The following SPAG16 variants were observed in gnomAD, a reference collection of about 807,000 sequenced individuals.
The protein encoded by SPAG16 is sperm-associated antigen 16 protein.
Under a neutral mutation model 80.4 loss-of-function variants are expected in SPAG16, and 86 were observed. That is an observed-to-expected ratio of 1.07 (90% confidence interval 0.90 to 1.28). The LOEUF is 1.28. Among genes scored for constraint, SPAG16 ranks in the 50% most tolerant of loss-of-function variants. The pLI, the probability that SPAG16 is intolerant of heterozygous loss-of-function variation, is 0.00. For missense variants in SPAG16, 870 were observed against 765.3 expected (o/e 1.14, Z -1.61); for synonymous variants, 294 against 265.9 (o/e 1.11, Z -1.03).
intron 15 of SPAG16, among the ~76,000 whole-genome samples, chr2:214,167,018 G>A (rs2056683088): frequency 6.6e-6 from 1 of 152,144 alleles, no homozygotes; most frequent in Admixed American, 6.6e-5. Context: ...GAGAGGAGGA[G>A]AAGGGCAGAT....
intron 10 of SPAG16, among the ~76,000 whole-genome samples, chr2:213,849,264 G>C (rs1357115734): frequency 6.6e-6 from 1 of 152,040 alleles, no homozygotes; most frequent in African/African-American, 2.4e-5. Context: ...AATAGAGTTA[G>C]AACTAACACA....
At chr2:213,972,129 G>T (rs2045098412) in intron 12 of SPAG16, among the ~76,000 whole-genome samples, 1 of 151,506 alleles carries the variant, frequency 6.6e-6, no homozygotes. Flanking sequence ...TTGTGATTTT[G>T]AATTGCATTT....
intron 13 of SPAG16, among the ~76,000 whole-genome samples, chr2:214,094,665 T>C (rs2052459706): frequency 6.6e-6 from 1 of 152,122 alleles, no homozygotes; most frequent in Non-Finnish European, 1.5e-5. Flanking sequence ...TTACACAATT[T>C]GTATGGCTGA....
intron 14 of SPAG16, among the ~76,000 whole-genome samples, chr2:214,137,835 A>G (rs562186107): frequency 1.3e-5 from 2 of 152,266 alleles, no homozygotes; most frequent in South Asian, 2.1e-4. Flanking sequence ...TTAGTTGTCA[A>G]TTACTACATC....
At chr2:213,691,284 G>A (rs1470269315) in intron 10 of SPAG16, among the ~76,000 whole-genome samples, 1 of 152,134 alleles carries the variant, frequency 6.6e-6, no homozygotes, top group African/African-American at 2.4e-5. Flanking sequence ...AATGCAGCAG[G>A]TGTGACAATC....
intron 9 of SPAG16, among the ~76,000 whole-genome samples, chr2:213,384,518 C>A (rs146829760): frequency 7.2e-5 from 11 of 152,130 alleles, no homozygotes; most frequent in South Asian, 6.2e-4. Context: ...TGAGTATCAA[C>A]GCCATGCTAG....
chr2:214,410,040 A>T (rs1702211712), intron 15 of SPAG16, 100 bp from the exon 16 acceptor site: 2 of 1,337,916 alleles, frequency 1.5e-6, no homozygotes, highest in Admixed American at 1.9e-5. Flanking sequence ...ACACAGAATG[A>T]TAATTGAAAA....
chr2:214,138,462 C>T (rs2055177086), intron 14 of SPAG16, among the ~76,000 whole-genome samples: 1 of 152,074 alleles, frequency 6.6e-6, no homozygotes, highest in South Asian at 2.1e-4. Context: ...GACAATTCAG[C>T]CATTCTTTTT....
intron 7 of SPAG16, among the ~76,000 whole-genome samples, chr2:213,362,166 A>G (rs1285950840): frequency 2.6e-5 from 4 of 152,242 alleles, no homozygotes; most frequent in Non-Finnish European, 4.4e-5. Context: ...CATTATAGGA[A>G]TCCAACCTGA....
chr2:213,354,150 C>G (rs2125065069), intron 7 of SPAG16, among the ~76,000 whole-genome samples: 1 of 152,214 alleles, frequency 6.6e-6, no homozygotes, highest in South Asian at 2.1e-4. Flanking sequence ...GTTTTCTGTA[C>G]CTGTGATAGT....
At chr2:213,531,359 A>AGTGTGTGTGTGTGTGTGT (rs56011234) in intron 10 of SPAG16, among the ~76,000 whole-genome samples, 11 of 142,018 alleles carry the variant, frequency 7.7e-5, no homozygotes, top group African/African-American at 1.8e-4. Context: ...AAAAGATGTG[A>AGTGTGTGTGTGTGTGTGT]GTGTGTGTGT....
chr2:214,146,754 A>G (rs1162783211), intron 14 of SPAG16, among the ~76,000 whole-genome samples: 2 of 152,184 alleles, frequency 1.3e-5, no homozygotes, highest in Non-Finnish European at 2.9e-5. Flanking sequence ...TAATCCCAGC[A>G]CTTTGGGAGG....
intron 11 of SPAG16, among the ~76,000 whole-genome samples, chr2:213,864,570 G>A (rs2075611890): frequency 6.6e-6 from 1 of 151,908 alleles, no homozygotes; most frequent in Admixed American, 6.6e-5. Context: ...GTCCTCCTAT[G>A]CTCTTCACAC....
At chr2:213,381,847 A>G (rs1450383684) in intron 9 of SPAG16, among the ~76,000 whole-genome samples, 1 of 152,202 alleles carries the variant, frequency 6.6e-6, no homozygotes, top group Non-Finnish European at 1.5e-5. Context: ...ATAAATAGGT[A>G]TAGATGTATC....
At chr2:213,946,293 T>G (rs1205385827) in intron 12 of SPAG16, among the ~76,000 whole-genome samples, 1 of 152,132 alleles carries the variant, frequency 6.6e-6, no homozygotes, top group Non-Finnish European at 1.5e-5. Context: ...TTTTCTATTT[T>G]GAATAGAGAC....
intron 15 of SPAG16, among the ~76,000 whole-genome samples, chr2:214,401,376 C>T (rs1032170277): frequency 6.6e-6 from 1 of 151,906 alleles, no homozygotes; most frequent in Non-Finnish European, 1.5e-5. Context: ...GTATAAAAAT[C>T]ATTTCCTTAT....
At chr2:214,195,320 G>GATAGATAGATAGATAC (rs2057798360) in intron 15 of SPAG16, among the ~76,000 whole-genome samples, 1 of 151,810 alleles carries the variant, frequency 6.6e-6, no homozygotes, top group Non-Finnish European at 1.5e-5. Flanking sequence ...TAGATAGATA[G>GATAGATAGATAGATAC]ATAGATAGAT....
At position 214,108,218 on chromosome 2, in the gene SPAG16, A is replaced by G; in HGVS notation, c.1550A>G (p.Tyr517Cys). ...ARTGICEQSL[Y>C]GHMHSINDAI... ...TAGGGTATATGTGAGCAGTCACTTT[A>G]TGGTCACATGCATTCTATCAATGAT... The change falls in exon 14 of 16, where the codon TAT becomes TGT. Residue 517 changes from tyrosine to cysteine, a missense_variant. Coordinates refer to ENST00000331683, the MANE Select transcript of SPAG16 (RefSeq NM_024532.5). 1.9e-6 allele frequency: 3 copies of G among 1,601,476 alleles called. No homozygotes were observed. The highest frequency in any genetic ancestry group is 2.6e-6 in the Non-Finnish European group (3 of 1,170,718).
At chr2:213,430,727 A>G (rs764677567) in intron 9 of SPAG16, among the ~76,000 whole-genome samples, 3 of 152,192 alleles carry the variant, frequency 2.0e-5, no homozygotes, top group Non-Finnish European at 2.9e-5. Context: ...AAGAGGACCA[A>G]CAAACACCAG....
Sources: gnomAD v4.1 joint callset for allele counts (sites outside exome capture counted in the v4.1 genomes callset) on GRCh38, gnomAD v4.1.1 for gene constraint, MANE v1.5 for transcripts, NCBI Gene and HGNC (gene_info 2026-07-23, HGNC 2026-07-21) for gene names.